Variants in CEP131 observed in about 807,000 individuals in gnomAD.
CEP131 encodes centrosomal protein 131.
A neutral mutation model predicts 136.8 loss-of-function variants in CEP131; 99 were observed. The ratio of observed to expected loss-of-function variants is 0.72; its 90% CI spans 0.62 to 0.86. CEP131 has a LOEUF of 0.86. Among genes scored for constraint, CEP131 ranks in the 40% least tolerant of loss-of-function variants. The probability of loss-of-function intolerance (pLI) is 0.00; values close to 1 mark genes in which losing one functional copy is unlikely to be tolerated. For missense variants in CEP131, 1,459 were observed against 1,463.0 expected (o/e 1.00, Z 0.04); for synonymous variants, 646 against 612.7 (o/e 1.05, Z -0.80).
chr17:81,202,153 C>T (rs2061904482), intron 7 of CEP131, 87 bp downstream of exon 7: 1 of 585,892 alleles, frequency 1.7e-6, no homozygotes, highest in Non-Finnish European at 2.5e-6. Flanking sequence ...TTTCTATCCT[C>T]GGAGGTGTGA....
chr17:81,207,463 C>A (rs2062032126), intron 3 of CEP131, among the ~76,000 whole-genome samples: 2 of 151,956 alleles, frequency 1.3e-5, no homozygotes, highest in Admixed American at 6.6e-5. Context: ...ATCAGTCACA[C>A]CGATCACAGT....
At chr17:81,199,658 CA>C (rs2061845899) in intron 9 of CEP131, 60 bp downstream of exon 9, 6 of 1,598,670 alleles carry the variant, frequency 3.8e-6, no homozygotes, top group Non-Finnish European at 5.1e-6. Flanking sequence ...GCCCCAGCAG[CA>C]GCCCCGCACG....
In CEP131 at chr17:81,192,557, C is replaced by T; in HGVS notation, c.2466G>A (p.Leu822=). ...GGGTCAGTGCAGAGCTGCTCTCCTCCAGCTGCTGCCTCAGCTCTTCCAGCT... is the reference window on the plus strand; with the variant it reads ...GGGTCAGTGCAGAGCTGCTCTCCTCTAGCTGCTGCCTCAGCTCTTCCAGCT... ...RAELEELRQQ[L]EESSSALTRA... The change falls in exon 20 of 26, where the codon CTG becomes CTA. Residue 822 remains leucine (L), a synonymous_variant. Transcript: ENST00000450824. The T allele has an allele frequency of 1.9e-6, 3 of 1,609,622 alleles. No individual in the cohort carries two copies. The highest frequency in any genetic ancestry group is 2.5e-6 in the Non-Finnish European group (3 of 1,179,464).
At position 81,222,812 on chromosome 17, in the gene CEP131, G is replaced by C. The variant is rs2062418102; in HGVS notation, c.-61C>G. 6.6e-6 allele frequency: 1 copy of C among 152,302 alleles called. No homozygotes were observed. The highest frequency in any genetic ancestry group is 1.5e-5 in the Non-Finnish European group (1 of 68,084). The allele number at this position is 152,302 out of a possible 1,614,324, so 9.4% of individuals were successfully genotyped here. A position where few individuals can be genotyped will look rare whatever the true frequency, so the allele number is the denominator to read the frequency against. Reference sequence around the variant, plus strand: ...CAGCCGCGAAGCCTGCCTGGCGCGCGGGGCCTGCAGATTCGGCCGGCGGGG... The same window carrying C: ...CAGCCGCGAAGCCTGCCTGGCGCGCCGGGCCTGCAGATTCGGCCGGCGGGG... On this transcript the variant is annotated 5_prime_UTR_variant, in exon 1 of 26. Transcript: ENST00000450824.
intron 18 of CEP131, 54 bp downstream of exon 18, chr17:81,193,872 T>C (rs1214006854): frequency 1.3e-6 from 2 of 1,513,734 alleles, no homozygotes; most frequent in African/African-American, 2.8e-5. Flanking sequence ...CTTCGAGGAT[T>C]CCGACTCCCC....
intron 5 of CEP131, among the ~76,000 whole-genome samples, chr17:81,204,726 G>GCACCTGCACCGGACCA (rs112222751): frequency 3.3e-5 from 5 of 151,478 alleles, no homozygotes; most frequent in Admixed American, 1.3e-4. Context: ...GCACCAGCCT[G>GCACCTGCACCGGACCA]CACCTGCACC....
rs2062062337 is a variant in CEP131, at chr17:81,208,417, A to C, written c.272+511T>G. Among the ~76,000 whole-genome samples the C allele has an allele frequency of 6.6e-6, 1 of 152,116 alleles. No individual in the cohort carries two copies. The highest frequency in any genetic ancestry group is 1.5e-5 in the Non-Finnish European group (1 of 68,010). On this transcript the variant is annotated intron_variant, in intron 3 of 25. Transcript: ENST00000450824. The surrounding 1 kb of genome is among the most constrained non-coding windows in gnomAD (Gnocchi z 5.6). Reference sequence around the variant, plus strand: ...TCTGGGCTAGAGGATGTCCCCCCGGAGGCTGCTGGCCACCACCGGCTCCAC... The same window carrying C: ...TCTGGGCTAGAGGATGTCCCCCCGGCGGCTGCTGGCCACCACCGGCTCCAC...
In CEP131 at chr17:81,193,920, A is replaced by G. The variant is rs1567850063; in HGVS notation, c.2321+6T>C. On this transcript the variant is annotated splice_donor_region_variant and intron_variant, in intron 18 of 25. Transcript: ENST00000450824. The stretch of plus-strand genomic sequence containing the variant: ...CTGGCCCCACCGGCCTGGGGCCACC[A>G]CCCACCGCTGCCGAGCACGTTCGCG... 1 of 1,532,502 alleles carries G rather than the reference A, an allele frequency of 6.5e-7. No individual in the cohort carries two copies. The highest frequency in any genetic ancestry group is 1.2e-5 in the South Asian group (1 of 83,570). The allele number at this position is 1,532,502 out of a possible 1,614,324, so 94.9% of individuals were successfully genotyped here.
chr17:81,194,575 T>C (rs1425589916), intron 17 of CEP131, among the ~76,000 whole-genome samples: 1 of 152,108 alleles, frequency 6.6e-6, no homozygotes, highest in Non-Finnish European at 1.5e-5. Flanking sequence ...GTCCACAAAC[T>C]CCCAATCTCC....
At chr17:81,207,972 A>C (rs1410174225) in intron 3 of CEP131, among the ~76,000 whole-genome samples, 2 of 1,444 alleles carry the variant, frequency 1.4e-3, no homozygotes, top group Admixed American at 0.014. Flanking sequence ...CACACACACC[A>C]CACATGCACC....
At chr17:81,192,685 G>GGGGGGGGGGGGGGGGGGGGGCCCCCC in intron 19 of CEP131, 51 bp downstream of exon 19, 1 of 478,424 alleles carries the variant, frequency 2.1e-6, no homozygotes, top group East Asian at 5.8e-5. Flanking sequence ...GGGGGGAGGG[G>GGGGGGGGGGGGGGGGGGGGGCCCCCC]TCAGCCAGCG....
chr17:81,209,104 C>T (rs797012000), intron 2 of CEP131, 82 bp from the exon 3 acceptor site: 9 of 1,068,608 alleles, frequency 8.4e-6, no homozygotes, highest in East Asian at 5.1e-5. Context: ...TTTGGAGAAA[C>T]GCAGTCAGAG....
chr17:81,200,475 G>T, intron 7 of CEP131, 29 bp from the exon 8 acceptor site: 1 of 1,499,010 alleles, frequency 6.7e-7, no homozygotes, highest in South Asian at 1.2e-5. Flanking sequence ...TCAGGGCCAA[G>T]ACAGGACCAG....
chr17:81,193,855 C>A, intron 18 of CEP131, 71 bp downstream of exon 18: 2 of 1,486,370 alleles, frequency 1.3e-6, no homozygotes, highest in South Asian at 2.5e-5. Context: ...GGGAACTCCA[C>A]TCCAGCCTTC....
intron 2 of CEP131, among the ~76,000 whole-genome samples, chr17:81,214,947 T>C (rs1022091239): frequency 2.6e-5 from 4 of 151,554 alleles, no homozygotes; most frequent in Admixed American, 2.0e-4. Flanking sequence ...TAATTTTTTT[T>C]TTTGTATTTT....
intron 24 of CEP131, 110 bp downstream of exon 24, chr17:81,190,529 G>A: frequency 7.5e-7 from 1 of 1,336,604 alleles, no homozygotes; most frequent in Non-Finnish European, 9.9e-7. Context: ...CCCTGTCTCT[G>A]CATCTCCTGG....
chr17:81,206,798 G>C lies in CEP131; in HGVS notation c.461C>G (p.Pro154Arg), dbSNP rs748318748. The C allele has an allele frequency of 1.9e-6, 3 of 1,614,112 alleles. No individual in the cohort carries two copies. Among genetic ancestry groups the C allele is most frequent in the Non-Finnish European group, 2.5e-6 (3 of 1,180,020 alleles). Reference sequence around the variant, plus strand: ...GGCCACGGTGCATTCTTTCCTCCGCGGGCCCGCTGGTGAGTCAAGGGCACT... The same window carrying C: ...GGCCACGGTGCATTCTTTCCTCCGCCGGCCCGCTGGTGAGTCAAGGGCACT... ...SSSALDSPAG[P>R]RRKECTVALA... is the part of the protein sequence containing the mutation. Residue 154 changes from proline (P) to arginine (R), a missense_variant, in exon 5 of 26, where the codon CCG becomes CGG. Physicochemically the swap from Pro to Arg is moderately radical, Grantham distance 103. This residue lies in a region of CEP131 where 246 missense variants were observed against 318.9 expected (regional missense o/e 0.77). Coordinates refer to ENST00000450824, the MANE Select transcript of CEP131 (RefSeq NM_014984.4).
intron 2 of CEP131, among the ~76,000 whole-genome samples, chr17:81,217,829 T>C (rs758335765): frequency 2.0e-5 from 3 of 152,098 alleles, no homozygotes; most frequent in Non-Finnish European, 4.4e-5. Flanking sequence ...GCTTTGAACC[T>C]CTACTCAGCA....
intron 13 of CEP131, chr17:81,197,399 T>A: frequency 1.9e-6 from 1 of 521,438 alleles, no homozygotes. Context: ...ACAGCAGGGC[T>A]CCAGAGGGCT....
Sources: allele counts gnomAD v4.1 joint callset (sites outside exome capture counted in the v4.1 genomes callset), GRCh38; gene constraint gnomAD v4.1.1; regional missense constraint gnomAD v4.1.1; non-coding constraint Gnocchi (gnomAD v3.1); transcripts MANE v1.5; gene names NCBI Gene and HGNC (gene_info 2026-07-23, HGNC 2026-07-21).